TMEM131L: variants seen among roughly 807,000 people sequenced by gnomAD.
TMEM131L encodes the protein transmembrane protein 131-like.
A neutral mutation model predicts 192.2 loss-of-function variants in TMEM131L; 54 were observed. The ratio of observed to expected loss-of-function variants is 0.28; its 90% CI spans 0.23 to 0.35. The LOEUF is 0.35. Among genes scored for constraint, TMEM131L ranks in the 10% least tolerant of loss-of-function variants. The pLI is 1.00. For synonymous variants in TMEM131L, 701 were observed against 704.9 expected (o/e 0.99, Z 0.09); for missense variants, 1,888 against 1,972.9 (o/e 0.96, Z 0.82).
Position 153,636,293 on chromosome 4 carries a change from T to C in TMEM131L, c.4558-8T>C, listed in dbSNP as rs756699619. The C allele has an allele frequency of 1.9e-6, 3 of 1,604,606 alleles. No individual in the cohort carries two copies. In the Admixed American group the frequency reaches 5.1e-5, roughly 27 times the overall value. Reference sequence around the variant, plus strand: ...TAACTTATTTTTCCTTCCTCATTTATACTTCAGCCCTACCTCACAAGCACC... The same window carrying C: ...TAACTTATTTTTCCTTCCTCATTTACACTTCAGCCCTACCTCACAAGCACC... On this transcript the variant is annotated splice_region_variant and splice_polypyrimidine_tract_variant and intron_variant, in intron 34 of 34. Transcript: ENST00000409959.
intron 3 of TMEM131L, among the ~76,000 whole-genome samples, chr4:153,496,213 T>G (rs1733159575): frequency 6.6e-6 from 1 of 152,232 alleles, no homozygotes; most frequent in African/African-American, 2.4e-5. Flanking sequence ...AAGCATTACT[T>G]CACAGGCTGG....
chr4:153,612,739 G>C (rs1425719930), intron 26 of TMEM131L, among the ~76,000 whole-genome samples: 1 of 152,006 alleles, frequency 6.6e-6, no homozygotes, highest in African/African-American at 2.4e-5. Context: ...CTCTTGCTGA[G>C]TTGTATTGCT....
intron 3 of TMEM131L, among the ~76,000 whole-genome samples, chr4:153,548,174 G>A (rs73856911): frequency 0.012 from 1,822 of 152,306 alleles, 42 homozygotes; most frequent in African/African-American, 0.042. Context: ...GCCAGTTGTA[G>A]GATTAGTGCT....
intron 3 of TMEM131L, among the ~76,000 whole-genome samples, chr4:153,531,157 C>T (rs1437920212): frequency 6.6e-6 from 1 of 152,192 alleles, no homozygotes; most frequent in East Asian, 1.9e-4. Flanking sequence ...TTCTGCTCCC[C>T]TAGTGGATGC....
At chr4:153,523,075 G>A (rs1053377925) in intron 3 of TMEM131L, among the ~76,000 whole-genome samples, 1 of 152,028 alleles carries the variant, frequency 6.6e-6, no homozygotes, top group Admixed American at 6.5e-5. Context: ...AATCATCAAC[G>A]TACTGTGTTT....
rs745796567 is a variant in TMEM131L, at chr4:153,634,269, C to T, written c.4406C>T (p.Ala1469Val). Residue 1469 changes from alanine (A) to valine (V), a missense_variant, in exon 33 of 35, where the codon GCC (alanine) becomes GTC (valine). Coordinates refer to ENST00000409959, the MANE Select transcript of TMEM131L (RefSeq NM_001131007.2). ...CCATTGGAATTGAACGATTACAATG[C>T]CTTTCCAGAAGGTAAGGGCTCTTCA... ...YCPLELNDYNAFPEENMNYAN... is the reference protein window; with the variant it reads ...YCPLELNDYNVFPEENMNYAN... 8.7e-6 allele frequency: 14 copies of T among 1,612,498 alleles called. No homozygotes were observed. In the African/African-American group the frequency reaches 1.5e-4, roughly 17 times the overall value.
intron 3 of TMEM131L, among the ~76,000 whole-genome samples, chr4:153,511,651 C>T (rs753895104): frequency 2.6e-5 from 4 of 152,114 alleles, no homozygotes; most frequent in Non-Finnish European, 2.9e-5. Context: ...TGAAAAAATA[C>T]AAAACCTTTT....
chr4:153,575,964 C>CTT (rs1230784808), intron 7 of TMEM131L, among the ~76,000 whole-genome samples: 1 of 142,986 alleles, frequency 7.0e-6, no homozygotes. Flanking sequence ...TTGTTTTGTT[C>CTT]TTTTTTTTTT....
chr4:153,472,246 GAGTA>G (rs1228376417), intron 2 of TMEM131L, among the ~76,000 whole-genome samples: 1 of 152,214 alleles, frequency 6.6e-6, no homozygotes, highest in African/African-American at 2.4e-5. Flanking sequence ...AGTCCTAGGA[GAGTA>G]AGTGTTTAAC....
intron 7 of TMEM131L, among the ~76,000 whole-genome samples, chr4:153,559,111 A>C (rs1728685278): frequency 6.6e-6 from 1 of 152,188 alleles, no homozygotes; most frequent in Non-Finnish European, 1.5e-5. Context: ...GCTTTCATTC[A>C]TTCAGCGGTT....
At chr4:153,578,983 A>G (rs1730155868) in intron 7 of TMEM131L, among the ~76,000 whole-genome samples, 1 of 152,194 alleles carries the variant, frequency 6.6e-6, no homozygotes, top group Admixed American at 6.5e-5. Context: ...AATTTTAAAG[A>G]TAAATTTTAA....
At chr4:153,521,864 T>G (rs76549158) in intron 3 of TMEM131L, among the ~76,000 whole-genome samples, 35 of 31,180 alleles carry the variant, frequency 1.1e-3, no homozygotes, top group Non-Finnish European at 1.8e-3. Context: ...TTTTCTGTGT[T>G]TTTTTTTTTT....
At chr4:153,562,332 A>G (rs950892973) in intron 7 of TMEM131L, among the ~76,000 whole-genome samples, 1 of 152,196 alleles carries the variant, frequency 6.6e-6, no homozygotes, top group Non-Finnish European at 1.5e-5. Context: ...CACCGCACCC[A>G]GCCTAAAGTA....
chr4:153,523,413 A>G (rs372750908), intron 3 of TMEM131L, among the ~76,000 whole-genome samples: 1 of 152,226 alleles, frequency 6.6e-6, no homozygotes, highest in Non-Finnish European at 1.5e-5. Flanking sequence ...TTAGGAATGA[A>G]TGGAGGCCAG....
At chr4:153,539,212 G>A (rs886167556) in intron 3 of TMEM131L, among the ~76,000 whole-genome samples, 1 of 152,150 alleles carries the variant, frequency 6.6e-6, no homozygotes, top group Non-Finnish European at 1.5e-5. Flanking sequence ...CAAACACCCA[G>A]CAGTCCTCTG....
rs145842905 is a variant in TMEM131L, at chr4:153,596,280, G to A, written c.2018G>A (p.Arg673Lys). 2 of 1,613,818 alleles carry A rather than the reference G, an allele frequency of 1.2e-6. No individual in the cohort carries two copies. The highest frequency in any genetic ancestry group is 2.7e-5 in the African/African-American group (2 of 74,916). ...PYLGTHSEES[R>K]FGILHLHLQP... is the part of the protein sequence containing the mutation. ...CAGGGTACGCATTCTGAGGAATCCA[G>A]GTTTGGCATCCTCCACTTACATCTG... is the stretch of plus-strand genomic sequence containing the variant. The change falls in exon 20 of 35, where the codon AGG becomes AAG. Residue 673 changes from arginine (R) to lysine (K), a missense_variant. Physicochemically the swap from Arg to Lys is conservative, Grantham distance 26. Coordinates refer to ENST00000409959, the MANE Select transcript of TMEM131L (RefSeq NM_001131007.2).
chr4:153,592,708 A>T, intron 18 of TMEM131L, 124 bp downstream of exon 18: 2 of 689,914 alleles, frequency 2.9e-6, no homozygotes, highest in Non-Finnish European at 5.1e-6. Context: ...TTAACCGATT[A>T]GCTCATGGAC....
intron 3 of TMEM131L, among the ~76,000 whole-genome samples, chr4:153,526,616 T>TC (rs1047241817): frequency 6.6e-5 from 10 of 151,916 alleles, no homozygotes; most frequent in African/African-American, 2.4e-4. Context: ...CGGGCACCTG[T>TC]AGTCCCAGCT....
chr4:153,499,468 C>T (rs748215244), intron 3 of TMEM131L, among the ~76,000 whole-genome samples: 3 of 150,382 alleles, frequency 2.0e-5, no homozygotes, highest in Non-Finnish European at 4.4e-5. Flanking sequence ...CGCTCTGTTG[C>T]CAGGCTGGAG....
Sources: allele counts gnomAD v4.1 joint callset (sites outside exome capture counted in the v4.1 genomes callset), GRCh38; gene constraint gnomAD v4.1.1; transcripts MANE v1.5; gene names NCBI Gene and HGNC (gene_info 2026-07-23, HGNC 2026-07-21).